Variants in SAMD4A observed in about 807,000 individuals in gnomAD.
SAMD4A encodes protein Smaug homolog 1.
In SAMD4A, 33 loss-of-function variants were observed where a neutral mutation model predicts 81.3. That is an observed-to-expected ratio of 0.41 (90% CI 0.31 to 0.54). The LOEUF (loss-of-function observed/expected upper bound fraction) is 0.54. SAMD4A is among the 20% of genes least tolerant of loss of function. The pLI is 0.37. For missense variants in SAMD4A, 854 were observed against 951.1 expected (o/e 0.90, Z 1.34); for synonymous variants, 389 against 382.1 (o/e 1.02, Z -0.21).
chr14:54,784,819 GC>G (rs111401626), intron 12 of SAMD4A, among the ~76,000 whole-genome samples, 199 bp downstream of exon 12: 28 of 152,270 alleles, frequency 1.8e-4, no homozygotes, highest in African/African-American at 6.7e-4. Flanking sequence ...AGTGGCCAGT[GC>G]CCTGTTTCTC....
chr14:54,616,117 T>G (rs1240904291), intron 2 of SAMD4A, among the ~76,000 whole-genome samples: 1 of 152,266 alleles, frequency 6.6e-6, no homozygotes, highest in Non-Finnish European at 1.5e-5. Context: ...CTTCCTCTAT[T>G]TAAGTTTCAT....
intron 2 of SAMD4A, chr14:54,689,561 G>A (rs2140650615): frequency 6.6e-6 from 1 of 152,352 alleles, no homozygotes; most frequent in East Asian, 1.9e-4. Flanking sequence ...TGGAAGCTCA[G>A]ACAACATGGC....
intron 2 of SAMD4A, among the ~76,000 whole-genome samples, chr14:54,637,163 G>A (rs538954064): frequency 6.6e-6 from 1 of 151,914 alleles, no homozygotes; most frequent in East Asian, 1.9e-4. Context: ...TCAGGAGTTC[G>A]AGACCAGCCT....
At chr14:54,701,869 C>A (rs1015079404) in intron 2 of SAMD4A, among the ~76,000 whole-genome samples, 193 bp from the exon 3 acceptor site, 1 of 152,208 alleles carries the variant, frequency 6.6e-6, no homozygotes, top group Non-Finnish European at 1.5e-5. Context: ...AATGTTTGAT[C>A]TGTGTTTCAT....
rs137951039 is a variant in SAMD4A at position 54,760,172 on chromosome 14, G to C, written c.1188G>C (p.Glu396Asp). The change falls in exon 7 of 13, where the codon GAG (glutamate) becomes GAC (aspartate). Residue 396 changes from glutamate (E) to aspartate (D), a missense_variant. By Grantham distance (45) the Glu-to-Asp change is conservative (BLOSUM62 2). Coordinates refer to ENST00000554335, the MANE Select transcript of SAMD4A (RefSeq NM_015589.6). Reference protein sequence around the residue: ...LLKSLERDIIEGGSLRIPLQE... With the variant: ...LLKSLERDIIDGGSLRIPLQE... ...CTCTCACCGTCCAGGACATCATCGAGGGGGGCAGCCTGCGCATCCCGCTCC... is the reference window on the plus strand; with the variant it reads ...CTCTCACCGTCCAGGACATCATCGACGGGGGCAGCCTGCGCATCCCGCTCC... 13 of 1,612,050 alleles carry C rather than the reference G, an allele frequency of 8.1e-6. No homozygotes were observed. The highest frequency in any genetic ancestry group is 4.0e-5 in the African/African-American group (3 of 74,712).
chr14:54,684,429 G>A (rs960624620), intron 2 of SAMD4A, among the ~76,000 whole-genome samples: 5 of 152,228 alleles, frequency 3.3e-5, no homozygotes, highest in Non-Finnish European at 5.9e-5. Flanking sequence ...CAGATGGACC[G>A]AGGCGGGTGA....
At chr14:54,786,467 G>T (rs988146586) in intron 12 of SAMD4A, among the ~76,000 whole-genome samples, 12 of 152,240 alleles carry the variant, frequency 7.9e-5, no homozygotes, top group Admixed American at 5.2e-4. Context: ...TCAATTAAAA[G>T]TAGTAATGAC....
At chr14:54,782,911 G>A (rs1283261481) in intron 11 of SAMD4A, among the ~76,000 whole-genome samples, 1 of 152,166 alleles carries the variant, frequency 6.6e-6, no homozygotes, top group Non-Finnish European at 1.5e-5. Flanking sequence ...TCCCTTGGTG[G>A]AGACATGAAG....
chr14:54,579,327 A>G (rs1333234132), intron 2 of SAMD4A, among the ~76,000 whole-genome samples: 1 of 152,264 alleles, frequency 6.6e-6, no homozygotes, highest in Non-Finnish European at 1.5e-5. Context: ...CAAAGTAGAT[A>G]CTATCTCCAT....
chr14:54,683,382 A>C (rs2036176359), intron 2 of SAMD4A, among the ~76,000 whole-genome samples: 1 of 152,214 alleles, frequency 6.6e-6, no homozygotes, highest in African/African-American at 2.4e-5. Context: ...ATCATGACTA[A>C]AAGGGATAGT....
At position 54,775,101 on chromosome 14, in the gene SAMD4A, C is replaced by G; in HGVS notation, c.1883C>G (p.Thr628Arg). The G allele has an allele frequency of 6.2e-7, 1 of 1,614,210 alleles. No homozygotes were observed. Among genetic ancestry groups the G allele is most frequent in the Non-Finnish European group, 8.5e-7 (1 of 1,180,040 alleles). Residue 628 changes from threonine to arginine, a missense_variant, in exon 10 of 13, where the codon ACA becomes AGA. By Grantham distance (71) the Thr-to-Arg change is moderately conservative. This residue lies in a region of SAMD4A where 428 missense variants were observed against 471.2 expected (regional missense o/e 0.91). Coordinates refer to ENST00000554335, the MANE Select transcript of SAMD4A (RefSeq NM_015589.6). ...GTCAGCTCCAACCAGCGCAACACCACAGCTACCCCCACCATCATGAAACAA... is the reference window on the plus strand; with the variant it reads ...GTCAGCTCCAACCAGCGCAACACCAGAGCTACCCCCACCATCATGAAACAA... ...GFVSSNQRNTTATPTIMKQGR... is the reference protein window; with the variant it reads ...GFVSSNQRNTRATPTIMKQGR...
At chr14:54,685,139 T>G (rs954443639) in intron 2 of SAMD4A, among the ~76,000 whole-genome samples, 1 of 152,194 alleles carries the variant, frequency 6.6e-6, no homozygotes, top group Non-Finnish European at 1.5e-5. Context: ...TTTAATCATT[T>G]TTAAATATAC....
chr14:54,743,800 A>G (rs1299988105), intron 4 of SAMD4A, among the ~76,000 whole-genome samples: 3 of 152,140 alleles, frequency 2.0e-5, no homozygotes, highest in Non-Finnish European at 4.4e-5. Context: ...TCCAGCTCCA[A>G]CGAGGCCCAA....
chr14:54,664,721 C>A (rs1009534144), intron 2 of SAMD4A, among the ~76,000 whole-genome samples: 3 of 151,696 alleles, frequency 2.0e-5, no homozygotes, highest in East Asian at 1.9e-4. Context: ...TTGGAGTTGA[C>A]CAACAGAGTA....
At chr14:54,784,451 C>T in intron 11 of SAMD4A, 86 bp from the exon 12 acceptor site, 1 of 1,613,596 alleles carries the variant, frequency 6.2e-7, no homozygotes, top group Non-Finnish European at 8.5e-7. Flanking sequence ...CAGGGAGGTA[C>T]ACCAGACCTT....
At chr14:54,638,640 G>A (rs775427647) in intron 2 of SAMD4A, among the ~76,000 whole-genome samples, 23 of 152,150 alleles carry the variant, frequency 1.5e-4, no homozygotes, top group Non-Finnish European at 1.6e-4. Flanking sequence ...AAGTAAAACC[G>A]TTTCTGTTGC....
chr14:54,624,494 A>G (rs923286339), intron 2 of SAMD4A, among the ~76,000 whole-genome samples: 1 of 152,248 alleles, frequency 6.6e-6, no homozygotes, highest in African/African-American at 2.4e-5. Flanking sequence ...CTGCCCTGAC[A>G]GCTATTTCAA....
chr14:54,617,889 T>C (rs2034527296), intron 2 of SAMD4A, among the ~76,000 whole-genome samples: 1 of 152,242 alleles, frequency 6.6e-6, no homozygotes, highest in African/African-American at 2.4e-5. Context: ...TATTGATAAC[T>C]ACACTGGTTG....
intron 7 of SAMD4A, among the ~76,000 whole-genome samples, chr14:54,762,216 T>G (rs1326818805): frequency 6.6e-6 from 1 of 152,184 alleles, no homozygotes; most frequent in Non-Finnish European, 1.5e-5. Context: ...TGTCCACCAG[T>G]AGAATAATTT....
Sources: allele counts gnomAD v4.1 joint callset (sites outside exome capture counted in the v4.1 genomes callset), GRCh38; gene constraint gnomAD v4.1.1; regional missense constraint gnomAD v4.1.1; transcripts MANE v1.5; gene names NCBI Gene and HGNC (gene_info 2026-07-23, HGNC 2026-07-21).